The following IQSEC1 variants were observed in gnomAD, a reference collection of about 807,000 sequenced individuals.
The protein encoded by IQSEC1 is IQ motif and SEC7 domain-containing protein 1.
IQSEC1 carries 31 observed loss-of-function variants against 91.0 expected under a neutral mutation model. The ratio of observed to expected loss-of-function variants is 0.34; its 90% confidence interval spans 0.26 to 0.46. The LOEUF (loss-of-function observed/expected upper bound fraction) is 0.46. Ranked by LOEUF, IQSEC1 falls within the 20% of genes least tolerant of loss-of-function variation. IQSEC1 has a pLI of 1.00. For synonymous variants in IQSEC1, 699 were observed against 662.6 expected (o/e 1.05, Z -0.84); for missense variants, 1,388 against 1,575.6 (o/e 0.88, Z 2.02).
chr3:13,044,655 C>T (rs1305818621), intron 1 of IQSEC1, among the ~76,000 whole-genome samples: 2 of 152,218 alleles, frequency 1.3e-5, no homozygotes, highest in African/African-American at 4.8e-5. Context: ...ACAGGCGGGG[C>T]CAGCAGCCCT....
chr3:13,207,376 C>T lies in IQSEC1; in HGVS notation c.273-43243G>A, dbSNP rs1056552757. On this transcript the variant is annotated intron_variant, in intron 1 of 15. Coordinates refer to the IQSEC1 transcript ENST00000648114. The surrounding 1 kb of genome is among the most constrained non-coding windows in gnomAD (Gnocchi z 4.8). ...TACTTCTCCCCCTCCACGGCCACCT[C>T]CCTGACCCAAGCCCCGTCTTCTCTG... is the stretch of plus-strand genomic sequence containing the variant. 6.6e-6 allele frequency among the ~76,000 whole-genome samples: 1 copy of T among 152,146 alleles called. No homozygotes were observed. Among genetic ancestry groups the T allele is most frequent in the South Asian group, 2.1e-4 (1 of 4,830 alleles).
chr3:13,074,342 G>C (rs1328149450), upstream of IQSEC1, among the ~76,000 whole-genome samples: 1 of 9,974 alleles, frequency 1.0e-4, no homozygotes, highest in African/African-American at 1.5e-3. Context: ...GAGGAGGCCA[G>C]CGTGGTGCAG....
At chr3:12,960,300 G>A (rs536686078) in intron 1 of IQSEC1, 13 of 152,300 alleles carry the variant, frequency 8.5e-5, no homozygotes, top group African/African-American at 2.4e-4. Flanking sequence ...TGGGGCTGGC[G>A]AACATGTTTT....
chr3:13,076,409 G>A (rs753779462), upstream of IQSEC1, among the ~76,000 whole-genome samples: 2 of 152,248 alleles, frequency 1.3e-5, no homozygotes, highest in South Asian at 2.1e-4. Context: ...TTCCCTCAAC[G>A]GGAAAATTTC....
chr3:12,954,441 G>T (rs1699769679), intron 1 of IQSEC1, among the ~76,000 whole-genome samples: 1 of 152,196 alleles, frequency 6.6e-6, no homozygotes, highest in Non-Finnish European at 1.5e-5. Flanking sequence ...AGAGGCCCTG[G>T]GGCATGTGGA....
At chr3:13,271,358 C>A (rs1695588135) in intron 1 of IQSEC1, among the ~76,000 whole-genome samples, 1 of 152,040 alleles carries the variant, frequency 6.6e-6, no homozygotes. Context: ...GCCTGGGTGA[C>A]ACAGCAAGAC....
intron 1 of IQSEC1, among the ~76,000 whole-genome samples, chr3:13,223,903 G>A (rs1164056692): frequency 6.6e-6 from 1 of 152,182 alleles, no homozygotes; most frequent in Admixed American, 6.5e-5. Context: ...TTGGTTTGGA[G>A]TCACCGGACA....
rs199627288 is a variant in IQSEC1, at chr3:12,922,798, G to A, written c.1731-556C>T. ...TCTGTGGGGCAGGGCCTGGAGGGGC[G>A]GCTGATGAATGGTCTCCACATTCTT... On this transcript the variant is annotated intron_variant, in intron 4 of 13. Transcript: ENST00000613206. The surrounding 1 kb of genome is among the most constrained non-coding windows in gnomAD (Gnocchi z 5.1). Among the ~76,000 whole-genome samples the A allele has an allele frequency of 4.6e-5, 7 of 152,114 alleles. No individual in the cohort carries two copies. The highest frequency in any genetic ancestry group is 3.9e-4 in the East Asian group (2 of 5,164).
intron 1 of IQSEC1, among the ~76,000 whole-genome samples, chr3:13,210,019 C>T (rs1215996749): frequency 1.3e-5 from 2 of 152,172 alleles, no homozygotes; most frequent in Non-Finnish European, 1.5e-5. Flanking sequence ...CATAGGCTCA[C>T]TGTGTGACCT....
chr3:13,208,831 G>T (rs2125060151), intron 1 of IQSEC1, among the ~76,000 whole-genome samples: 1 of 152,352 alleles, frequency 6.6e-6, no homozygotes, highest in East Asian at 1.9e-4. Context: ...CTCGCAGCAT[G>T]CACCCCTGCG....
intron 1 of IQSEC1, among the ~76,000 whole-genome samples, chr3:13,278,442 A>G (rs1695731373): frequency 6.6e-6 from 1 of 152,176 alleles, no homozygotes; most frequent in African/African-American, 2.4e-5. Context: ...GGCTTTCTCC[A>G]GCTTGAGAGG....
At chr3:13,253,123 C>G (rs1263066938) in intron 1 of IQSEC1, among the ~76,000 whole-genome samples, 2 of 152,234 alleles carry the variant, frequency 1.3e-5, no homozygotes, top group Non-Finnish European at 2.9e-5. Flanking sequence ...TGATGATGTT[C>G]AGCAGGACAA....
chr3:13,039,392 CTG>C (rs1704166775), intron 1 of IQSEC1, among the ~76,000 whole-genome samples: 1 of 152,250 alleles, frequency 6.6e-6, no homozygotes, highest in Non-Finnish European at 1.5e-5. Context: ...CTGGCACACC[CTG>C]TGTTTAGAAG....
chr3:12,922,207 T>A lies in IQSEC1; in HGVS notation c.1766A>T (p.Glu589Val). ...GAATTTCCTGAGGGCCTCATCCAGCTCCATGGTAGAGAAGTCCATCTCGTC... is the reference window on the plus strand; with the variant it reads ...GAATTTCCTGAGGGCCTCATCCAGCACCATGGTAGAGAAGTCCATCTCGTC... Reference protein sequence around the residue: ...VVDEMDFSTMELDEALRKFQA... With the variant: ...VVDEMDFSTMVLDEALRKFQA... Residue 589 changes from glutamate (E) to valine (V), a missense_variant, in exon 5 of 14, where the codon GAG (glutamate) becomes GTG (valine). This residue lies in a region of IQSEC1 where 1,059 missense variants were observed against 1,317.8 expected (regional missense o/e 0.80). Transcript: ENST00000613206. The surrounding 1 kb of genome is among the most constrained non-coding windows in gnomAD (Gnocchi z 5.1). 1.9e-6 allele frequency: 3 copies of A among 1,607,146 alleles called. No homozygotes were observed. The highest frequency in any genetic ancestry group is 2.6e-6 in the Non-Finnish European group (3 of 1,175,664).
At chr3:13,082,066 G>A (rs752279001) in intron 2 of IQSEC1, among the ~76,000 whole-genome samples, 11 of 152,184 alleles carry the variant, frequency 7.2e-5, no homozygotes, top group Non-Finnish European at 1.3e-4. Context: ...ATCCTTGAGT[G>A]GAAGCAGTGG....
chr3:13,005,531 C>T (rs1016956251), intron 1 of IQSEC1, among the ~76,000 whole-genome samples: 17 of 151,866 alleles, frequency 1.1e-4, no homozygotes, highest in South Asian at 6.3e-4. Flanking sequence ...GCAGGAGGCG[C>T]CTGGACAAGG....
intron 2 of IQSEC1, among the ~76,000 whole-genome samples, chr3:13,102,523 C>T (rs1402451186): frequency 2.6e-5 from 4 of 152,088 alleles, no homozygotes; most frequent in African/African-American, 9.7e-5. Flanking sequence ...GCGTGAAAAC[C>T]TGTGCTTCAC....
intron 1 of IQSEC1, among the ~76,000 whole-genome samples, chr3:12,993,524 C>T (rs1702087056): frequency 6.6e-6 from 1 of 152,158 alleles, no homozygotes; most frequent in South Asian, 2.1e-4. Flanking sequence ...GTGGGGAATG[C>T]TTTGCATGGC....
intron 1 of IQSEC1, among the ~76,000 whole-genome samples, chr3:12,997,300 A>T (rs1702262136): frequency 6.6e-6 from 1 of 152,238 alleles, no homozygotes; most frequent in African/African-American, 2.4e-5. Flanking sequence ...GAAACAAAAA[A>T]ACTCTTATTG....
Sources: allele counts gnomAD v4.1 joint callset (sites outside exome capture counted in the v4.1 genomes callset), GRCh38; gene constraint gnomAD v4.1.1; regional missense constraint gnomAD v4.1.1; non-coding constraint Gnocchi (gnomAD v3.1); transcripts MANE v1.5; gene names NCBI Gene and HGNC (gene_info 2026-07-23, HGNC 2026-07-21).